DLGAP3: variants seen among roughly 807,000 people sequenced by gnomAD.
DLGAP3 encodes the protein DLG associated protein 3.
A neutral mutation model predicts 81.2 loss-of-function variants in DLGAP3; 17 were observed. That is an observed-to-expected ratio of 0.21 (90% CI 0.14 to 0.31). DLGAP3 has a LOEUF of 0.31. Among genes scored for constraint, DLGAP3 ranks in the 10% least tolerant of loss-of-function variants. The pLI is 1.00. For missense variants in DLGAP3, 1,124 were observed against 1,388.0 expected (o/e 0.81, Z 3.02); for synonymous variants, 577 against 587.4 (o/e 0.98, Z 0.26).
chr1:34,885,180 T>C (rs756545615), intron 7 of DLGAP3, 117 bp from the exon 8 acceptor site: 1 of 1,030,056 alleles, frequency 9.7e-7, no homozygotes, highest in Non-Finnish European at 1.5e-6. Flanking sequence ...GCAAAGACCA[T>C]CTGCCTGAAC....
chr1:34,867,170 G>A lies in DLGAP3; in HGVS notation c.2599C>T (p.Pro867Ser). The A allele has an allele frequency of 2.5e-6, 4 of 1,614,202 alleles. No homozygotes were observed. The highest frequency in any genetic ancestry group is 3.4e-6 in the Non-Finnish European group (4 of 1,180,034). ...AAACCCGCCAGGTCCTGGAAGGTGG[G>A]CACAGGGAACGCAGTGGGATCCTGC... is the stretch of plus-strand genomic sequence containing the variant. ...QSMDPTAFPV[P>S]TFQDLAGFWD... The change falls in exon 11 of 12, where the codon CCC (proline) becomes TCC (serine). Residue 867 changes from proline to serine, a missense_variant. Pro to Ser is a moderately conservative substitution (Grantham distance 74, BLOSUM62 -1). This residue lies in a region of DLGAP3 where 133 missense variants were observed against 171.1 expected (regional missense o/e 0.78). Transcript: ENST00000373347. This position sits in a 1 kb window ranked among gnomAD's most constrained non-coding sequence, Gnocchi z 4.3.
Position 34,904,215 on chromosome 1 carries a change from C to T in DLGAP3, c.1107+62G>A. The T allele has an allele frequency of 6.3e-7, 1 of 1,591,048 alleles. No homozygotes were observed. The highest frequency in any genetic ancestry group is 1.1e-5 in the South Asian group (1 of 90,640). On this transcript the variant is annotated intron_variant, in intron 3 of 11. Coordinates refer to ENST00000373347, the MANE Select transcript of DLGAP3 (RefSeq NM_001080418.3). This position sits in a 1 kb window ranked among gnomAD's most constrained non-coding sequence, Gnocchi z 8.1. ...CTCCCACCCAACCCTTTCCACTGCT[C>T]CCTAGTTGACAAGACTGGTGAAGGC...
intron 7 of DLGAP3, 53 bp downstream of exon 7, chr1:34,885,425 C>G: frequency 3.2e-6 from 5 of 1,584,672 alleles, no homozygotes; most frequent in Non-Finnish European, 4.3e-6. Flanking sequence ...CCCCTCACCC[C>G]AGCCCCGACC....
rs1403707043 is a variant in DLGAP3 at position 34,905,101 on chromosome 1, C to G, written c.283G>C (p.Gly95Arg). The G allele has an allele frequency of 6.3e-7, 1 of 1,587,368 alleles. No homozygotes were observed. Among genetic ancestry groups the G allele is most frequent in the Non-Finnish European group, 8.6e-7 (1 of 1,166,692 alleles). ...GSSTFPRMYP[G>R]QGPFDTCEDC... ...TCACAGGTGTCGAAGGGGCCCTGGC[C>G]AGGGTACATCCTGGGGAAGGTGCTG... Residue 95 changes from glycine to arginine, a missense_variant, in exon 3 of 12, where the codon GGC becomes CGC. Gly to Arg is a moderately radical substitution (Grantham distance 125). Transcript: ENST00000373347.
chr1:34,913,227 G>C (rs1639664616), intron 1 of DLGAP3, among the ~76,000 whole-genome samples: 1 of 152,154 alleles, frequency 6.6e-6, no homozygotes, highest in East Asian at 1.9e-4. Flanking sequence ...TAGGGGCTTA[G>C]GGCAGAAATT....
chr1:34,923,383 G>A lies in DLGAP3; in HGVS notation c.-135+6068C>T, dbSNP rs1045588080. Reference sequence around the variant, plus strand: ...GACCAGGAGGCTTAAAAATGTAAAGGTGGTGACCTGGGCTCAAATAACAAA... The same window carrying A: ...GACCAGGAGGCTTAAAAATGTAAAGATGGTGACCTGGGCTCAAATAACAAA... On this transcript the variant is annotated intron_variant, in intron 1 of 11. Coordinates refer to ENST00000373347, the MANE Select transcript of DLGAP3 (RefSeq NM_001080418.3). Among the ~76,000 whole-genome samples the A allele has an allele frequency of 4.6e-5, 7 of 152,264 alleles. No individual in the cohort carries two copies. In the East Asian group the frequency reaches 5.8e-4, roughly 13 times the overall value.
intron 1 of DLGAP3, among the ~76,000 whole-genome samples, chr1:34,912,612 T>G (rs1232812324): frequency 3.9e-5 from 6 of 152,128 alleles, no homozygotes; most frequent in African/African-American, 1.2e-4. Flanking sequence ...CAGCAGAACT[T>G]CCAGCAAGTG....
rs553955384 is a variant in DLGAP3, at chr1:34,929,046, G to T, written c.-135+405C>A. Among the ~76,000 whole-genome samples the T allele has an allele frequency of 6.6e-6, 1 of 151,928 alleles. No individual in the cohort carries two copies. Among genetic ancestry groups the T allele is most frequent in the African/African-American group, 2.4e-5 (1 of 41,460 alleles). ...GACACACTCGGCACAGACACACAGC[G>T]ACACGCACTCACATTCACACACCTG... On this transcript the variant is annotated intron_variant, in intron 1 of 11. Transcript: ENST00000373347. The surrounding 1 kb of genome is among the most constrained non-coding windows in gnomAD (Gnocchi z 6.5).
intron 1 of DLGAP3, among the ~76,000 whole-genome samples, chr1:34,920,634 C>T (rs752941098): frequency 2.0e-5 from 3 of 152,166 alleles, no homozygotes; most frequent in Admixed American, 1.3e-4. Flanking sequence ...CTCACCAAAG[C>T]TATGACAACA....
rs747410186 is a variant in DLGAP3, at chr1:34,868,911, C to T, written c.2179G>A (p.Val727Ile). ...CCCTGCGTGTGGACCGTGCGGAAGA[C>T]TGAGTAGGTGGGGGCCCGGGGCCCA... ...QPGPRAPTYS[V>I]FRTVHTQGQW... Residue 727 changes from valine (V) to isoleucine (I), a missense_variant, in exon 9 of 12, where the codon GTC (valine) becomes ATC (isoleucine). This residue lies in a region of DLGAP3 where 379 missense variants were observed against 455.7 expected (regional missense o/e 0.83). Transcript: ENST00000373347. The surrounding 1 kb of genome is among the most constrained non-coding windows in gnomAD (Gnocchi z 7.5). 6.2e-7 allele frequency: 1 copy of T among 1,607,812 alleles called. No homozygotes were observed. Among genetic ancestry groups the T allele is most frequent in the East Asian group, 2.2e-5 (1 of 44,854 alleles).
rs577185214 is a variant in DLGAP3 at position 34,884,277 on chromosome 1, C to A, written c.2000+701G>T. 8.5e-5 allele frequency among the ~76,000 whole-genome samples: 13 copies of A among 152,108 alleles called. No homozygotes were observed. In the South Asian group the frequency reaches 2.7e-3, roughly 31 times the overall value. ...CCTGGGAAGCTCAGATACCATGAAA[C>A]CGTTATGGCCAGCCCCTGGCAAGCT... On this transcript the variant is annotated intron_variant, in intron 8 of 11. Coordinates refer to ENST00000373347, the MANE Select transcript of DLGAP3 (RefSeq NM_001080418.3).
chr1:34,878,671 CA>C (rs1412890581), intron 8 of DLGAP3, among the ~76,000 whole-genome samples: 3 of 151,620 alleles, frequency 2.0e-5, no homozygotes, highest in Non-Finnish European at 4.4e-5. Flanking sequence ...ATCAAATGTA[CA>C]AAAAAAAGAT....
intron 1 of DLGAP3, among the ~76,000 whole-genome samples, chr1:34,924,052 G>T (rs1639833373): frequency 6.6e-6 from 1 of 152,106 alleles, no homozygotes. Context: ...AGACTCATCT[G>T]CATGTCCTGA....
intron 1 of DLGAP3, among the ~76,000 whole-genome samples, chr1:34,926,589 T>G (rs1639875756): frequency 6.6e-6 from 1 of 152,222 alleles, no homozygotes; most frequent in Non-Finnish European, 1.5e-5. Context: ...GAAGGTTTCC[T>G]GACCGTGGGG....
intron 1 of DLGAP3, among the ~76,000 whole-genome samples, chr1:34,928,222 T>G (rs1315853694): frequency 6.6e-6 from 1 of 152,004 alleles, no homozygotes; most frequent in Admixed American, 6.6e-5. Context: ...AACCCAGAAC[T>G]TGAAGGTTTG....
chr1:34,885,873 T>A (rs1021514034), intron 6 of DLGAP3, 82 bp from the exon 7 acceptor site: 20 of 1,243,250 alleles, frequency 1.6e-5, no homozygotes, highest in Non-Finnish European at 2.0e-5. Flanking sequence ...ACTCCCACCC[T>A]CAAGAGGCCC....
intron 5 of DLGAP3, among the ~76,000 whole-genome samples, chr1:34,889,207 G>A (rs1442777586): frequency 6.6e-6 from 1 of 152,010 alleles, no homozygotes; most frequent in Non-Finnish European, 1.5e-5. Flanking sequence ...CCACCCACAG[G>A]CAATACTCAC....
chr1:34,899,788 G>T lies in DLGAP3; in HGVS notation c.1314-47C>A, dbSNP rs369778911. 46 of 1,563,856 alleles carry T rather than the reference G, an allele frequency of 2.9e-5. No individual in the cohort carries two copies. The African/African-American group carries it at 5.7e-4, about 19-fold the overall frequency. On this transcript the variant is annotated intron_variant, in intron 4 of 11. Coordinates refer to ENST00000373347, the MANE Select transcript of DLGAP3 (RefSeq NM_001080418.3). ...GAGTCAGAACAGTGGACTGCTAGGAGGTGGGGGAGGGGAGATAATAGCACT... is the reference window on the plus strand; with the variant it reads ...GAGTCAGAACAGTGGACTGCTAGGATGTGGGGGAGGGGAGATAATAGCACT...
rs1330242153 is a variant in DLGAP3, at chr1:34,865,658, G to C, written c.*425C>G. On this transcript the variant is annotated 3_prime_UTR_variant, in exon 12 of 12. Transcript: ENST00000373347. ...GAGGGTGGGGCGGGCTCCTAGGCAG[G>C]GTTCGGGATTCTTCATAAAAAGCCA... 3 of 278,128 alleles carry C rather than the reference G, an allele frequency of 1.1e-5. No homozygotes were observed. Among genetic ancestry groups the C allele is most frequent in the East Asian group, 1.5e-4 (1 of 6,688 alleles). 17.2% of individuals were successfully genotyped at this position (278,128 alleles called of 1,614,324 possible).
Sources: gnomAD v4.1 joint callset for allele counts (sites outside exome capture counted in the v4.1 genomes callset) on GRCh38, gnomAD v4.1.1 for gene constraint, gnomAD v4.1.1 regional missense constraint, Gnocchi (gnomAD v3.1) non-coding constraint, MANE v1.5 for transcripts, NCBI Gene and HGNC (gene_info 2026-07-23, HGNC 2026-07-21) for gene names.